The following B3GAT2 variants were observed in gnomAD, a reference collection of about 807,000 sequenced individuals.
B3GAT2 encodes the protein galactosylgalactosylxylosylprotein 3-beta-glucuronosyltransferase 2.
Under a neutral mutation model 27.8 loss-of-function variants are expected in B3GAT2, and 26 were observed. That is an observed-to-expected ratio of 0.93 (90% confidence interval 0.68 to 1.30). B3GAT2 has a LOEUF of 1.30. Among genes scored for constraint, B3GAT2 ranks in the 50% most tolerant of loss-of-function variants. B3GAT2 has a pLI of 0.00. For synonymous variants in B3GAT2, 218 were observed against 195.1 expected (o/e 1.12, Z -0.98); for missense variants, 458 against 459.0 (o/e 1.00, Z 0.02).
At chr6:70,914,058 T>A (rs993780602) in intron 1 of B3GAT2, among the ~76,000 whole-genome samples, 3 of 152,206 alleles carry the variant, frequency 2.0e-5, no homozygotes, top group African/African-American at 4.8e-5. Flanking sequence ...TCTTTAAACC[T>A]TTATTTTGAG....
At chr6:70,955,000 G>C (rs951393428) in intron 1 of B3GAT2, among the ~76,000 whole-genome samples, 1 of 151,934 alleles carries the variant, frequency 6.6e-6, no homozygotes, top group Non-Finnish European at 1.5e-5. Flanking sequence ...TCAGGACCTG[G>C]CTGCACCAGA....
chr6:70,925,710 C>T (rs1239684660), intron 1 of B3GAT2, among the ~76,000 whole-genome samples: 1 of 152,266 alleles, frequency 6.6e-6, no homozygotes, highest in African/African-American at 2.4e-5. Flanking sequence ...GTAGACTCCA[C>T]TTCTGGGGGC....
chr6:70,945,868 G>A (rs1398263282), intron 1 of B3GAT2, among the ~76,000 whole-genome samples: 4 of 151,694 alleles, frequency 2.6e-5, no homozygotes, highest in Admixed American at 6.6e-5. Context: ...ACTAACAGCC[G>A]ATCTCTCGGC....
At chr6:70,903,932 C>T (rs1772552862) in intron 1 of B3GAT2, among the ~76,000 whole-genome samples, 1 of 152,104 alleles carries the variant, frequency 6.6e-6, no homozygotes, top group South Asian at 2.1e-4. Flanking sequence ...AACCTTGTGC[C>T]TGAATGTTCA....
At chr6:70,893,576 A>C (rs903071795) in intron 2 of B3GAT2, among the ~76,000 whole-genome samples, 1 of 152,176 alleles carries the variant, frequency 6.6e-6, no homozygotes, top group Admixed American at 6.5e-5. Context: ...TGTTCAGGGA[A>C]TAAAAACTTT....
chr6:70,911,042 A>G (rs1772682090), intron 1 of B3GAT2, among the ~76,000 whole-genome samples: 1 of 152,128 alleles, frequency 6.6e-6, no homozygotes, highest in Non-Finnish European at 1.5e-5. Flanking sequence ...AACTTGTTTA[A>G]GTTCCTTATA....
At chr6:70,935,764 G>A (rs1765262536) in intron 1 of B3GAT2, among the ~76,000 whole-genome samples, 1 of 152,110 alleles carries the variant, frequency 6.6e-6, no homozygotes, top group South Asian at 2.1e-4. Flanking sequence ...ACTAAACATG[G>A]AAAGGCACAA....
intron 1 of B3GAT2, among the ~76,000 whole-genome samples, chr6:70,939,016 T>C (rs964810354): frequency 3.4e-4 from 52 of 152,106 alleles, no homozygotes; most frequent in African/African-American, 1.2e-3. Context: ...AAAGGGCTAA[T>C]ATCCAGAATC....
Position 70,861,995 on chromosome 6 carries a change from A to T in B3GAT2, c.737-17T>A. 6.4e-7 allele frequency: 1 copy of T among 1,567,224 alleles called. No homozygotes were observed. The highest frequency in any genetic ancestry group is 8.6e-7 in the Non-Finnish European group (1 of 1,162,202). On this transcript the variant is annotated splice_polypyrimidine_tract_variant and intron_variant, in intron 2 of 3. Transcript: ENST00000230053. ...CAGCAAATCCTTTGTGAAAAATAAAAAAAAAAAAGAGACTTTAAAATCCTG... is the reference window on the plus strand; with the variant it reads ...CAGCAAATCCTTTGTGAAAAATAAATAAAAAAAAGAGACTTTAAAATCCTG...
At chr6:70,915,742 G>T (rs1160131063) in intron 1 of B3GAT2, among the ~76,000 whole-genome samples, 1 of 152,130 alleles carries the variant, frequency 6.6e-6, no homozygotes, top group Non-Finnish European at 1.5e-5. Flanking sequence ...TGAGGCCTCT[G>T]TTCTATTCCG....
intron 1 of B3GAT2, among the ~76,000 whole-genome samples, chr6:70,926,606 T>G (rs1772964249): frequency 6.6e-6 from 1 of 151,960 alleles, no homozygotes; most frequent in African/African-American, 2.4e-5. Context: ...TGAAATGAAG[T>G]GAGAAGAGAA....
In B3GAT2 at chr6:70,886,616, G is replaced by A. The variant is rs186957616; in HGVS notation, c.736+7512C>T. ...CCTCTGCAGAGCCCTCCCTCTCCAC[G>A]TCCACCCCACCTGACCCCACTACCA... On this transcript the variant is annotated intron_variant, in intron 2 of 3. Coordinates refer to ENST00000230053, the MANE Select transcript of B3GAT2 (RefSeq NM_080742.3). 7.9e-5 allele frequency among the ~76,000 whole-genome samples: 12 copies of A among 151,736 alleles called. No individual in the cohort carries two copies. The East Asian group carries it at 1.8e-3, about 22-fold the overall frequency.
Position 70,955,904 on chromosome 6 carries a change from C to A in B3GAT2, c.526G>T (p.Ala176Ser), listed in dbSNP as rs1765646977. 1.2e-6 allele frequency: 2 copies of A among 1,603,128 alleles called. No individual in the cohort carries two copies. Among genetic ancestry groups the A allele is most frequent in the Admixed American group, 1.7e-5 (1 of 59,396 alleles). The stretch of plus-strand genomic sequence containing the variant: ...GCGAAGAAGAGCACGCCGGGCTGCG[C>A]GCGCTGGTGCTGGTGCCTCTGGCGC... ...WLRQRHQHQRAQPGVLFFADD... is the reference protein window; with the variant it reads ...WLRQRHQHQRSQPGVLFFADD... The change falls in exon 1 of 4, where the codon GCG becomes TCG. Residue 176 changes from alanine (A) to serine (S), a missense_variant. Transcript: ENST00000230053.
intron 1 of B3GAT2, among the ~76,000 whole-genome samples, chr6:70,907,651 AT>A (rs1413122984): frequency 6.6e-6 from 1 of 152,174 alleles, no homozygotes; most frequent in Non-Finnish European, 1.5e-5. Context: ...CAAAATTCAT[AT>A]AAGTCAATTT....
chr6:70,928,968 C>A (rs1179773748), intron 1 of B3GAT2, among the ~76,000 whole-genome samples: 2 of 152,090 alleles, frequency 1.3e-5, no homozygotes, highest in Non-Finnish European at 2.9e-5. Context: ...ACCAAATGTC[C>A]AACAATGATA....
At chr6:70,946,366 A>G (rs1765483712) in intron 1 of B3GAT2, among the ~76,000 whole-genome samples, 1 of 152,138 alleles carries the variant, frequency 6.6e-6, no homozygotes, top group Non-Finnish European at 1.5e-5. Context: ...CATAGGCTCA[A>G]AATAAAAGGA....
intron 1 of B3GAT2, among the ~76,000 whole-genome samples, chr6:70,923,094 CTGTCATCAT>C (rs1562229887): frequency 6.6e-6 from 1 of 152,164 alleles, no homozygotes; most frequent in East Asian, 1.9e-4. Context: ...TAAGTGTCTT[CTGTCATCAT>C]TGTCATCAGC....
intron 1 of B3GAT2, 25 bp downstream of exon 1, chr6:70,955,814 C>T: frequency 6.4e-7 from 1 of 1,562,162 alleles, no homozygotes. Flanking sequence ...CCCTCGCCCA[C>T]CCAGCGGGGC....
At chr6:70,935,776 C>T (rs1055484061) in intron 1 of B3GAT2, among the ~76,000 whole-genome samples, 18 of 152,078 alleles carry the variant, frequency 1.2e-4, no homozygotes, top group Non-Finnish European at 2.4e-4. Context: ...AAGGCACAAC[C>T]GGTACCAGCC....
Sources: gnomAD v4.1 joint callset for allele counts (sites outside exome capture counted in the v4.1 genomes callset) on GRCh38, gnomAD v4.1.1 for gene constraint, MANE v1.5 for transcripts, NCBI Gene and HGNC (gene_info 2026-07-23, HGNC 2026-07-21) for gene names.